Variants in SMC3 observed in about 807,000 individuals in gnomAD.
The protein encoded by SMC3 is structural maintenance of chromosomes 3, also known as structural maintenance of chromosomes protein 3.
SMC3 carries 20 observed loss-of-function variants against 171.8 expected under a neutral mutation model. That is an observed-to-expected ratio of 0.12 (90% CI 0.08 to 0.17). SMC3 has a LOEUF of 0.17. SMC3 is among the 10% of genes least tolerant of loss of function. The probability of loss-of-function intolerance (pLI) is 1.00; values close to 1 mark genes in which losing one functional copy is unlikely to be tolerated. For synonymous variants in SMC3, 464 were observed against 451.1 expected, an observed-to-expected ratio of 1.03 and a Z score of -0.36; for missense variants, 543 against 1,420.4, an observed-to-expected ratio of 0.38 and a Z score of 9.93.
chr10:110,580,884 T>G lies in SMC3; in HGVS notation c.430-20T>G, dbSNP rs748401897. ...ACGGAGGCTACAGCTATGTAATGAT[T>G]ATTTTTCTAAAAATTTTAGATCAAC... On this transcript the variant is annotated intron_variant, in intron 7 of 28. Transcript: ENST00000361804. 4 of 1,330,420 alleles carry G rather than the reference T, an allele frequency of 3.0e-6. No homozygotes were observed. The South Asian group carries it at 4.7e-5, about 16-fold the overall frequency. 82.4% of individuals were successfully genotyped at this position (1,330,420 alleles called of 1,614,324 possible).
At chr10:110,595,492 G>T (rs946946729) in intron 18 of SMC3, among the ~76,000 whole-genome samples, 2 of 152,164 alleles carry the variant, frequency 1.3e-5, no homozygotes, top group Admixed American at 1.3e-4. Flanking sequence ...AGATCTCTCC[G>T]TTGTAAAGGT....
chr10:110,567,814 A>G lies in SMC3; in HGVS notation c.-3A>G. 1.2e-6 allele frequency: 2 copies of G among 1,613,492 alleles called. No individual in the cohort carries two copies. The highest frequency in any genetic ancestry group is 1.7e-4 in the Middle Eastern group (1 of 6,056). ...TCTCCTTCCAGGCCAGGGGCCCGGA[A>G]TCATGTACATAAAGCAGGTAAGGCC... is the stretch of plus-strand genomic sequence containing the variant. On this transcript the variant is annotated 5_prime_UTR_variant, in exon 1 of 29. Coordinates refer to ENST00000361804, the MANE Select transcript of SMC3 (RefSeq NM_005445.4).
Position 110,600,488 on chromosome 10 carries a change from C to A in SMC3, c.2477C>A (p.Thr826Asn). The A allele has an allele frequency of 6.3e-7, 1 of 1,596,508 alleles. No homozygotes were observed. The highest frequency in any genetic ancestry group is 8.6e-7 in the Non-Finnish European group (1 of 1,164,852). The change falls in exon 22 of 29, where the codon ACT (threonine) becomes AAT (asparagine). Residue 826 changes from threonine (T) to asparagine (N), a missense_variant. Thr to Asn is a moderately conservative substitution (Grantham distance 65). This residue lies in a region of SMC3 where 218 missense variants were observed against 509.6 expected (regional missense o/e 0.43). Coordinates refer to ENST00000361804, the MANE Select transcript of SMC3 (RefSeq NM_005445.4). ...NERIKLEGII[T>N]RVETYLNENL... ...AGAATTAAATTAGAAGGTATTATTA[C>A]TCGAGTAGAGACTTATCTCAATGAG...
rs1182368223 is a variant in SMC3, at chr10:110,578,022, C to T, written c.350+108C>T. On this transcript the variant is annotated intron_variant, in intron 6 of 28. Coordinates refer to ENST00000361804, the MANE Select transcript of SMC3 (RefSeq NM_005445.4). ...CGAACTCTTGGCCTCAAATGATCCA[C>T]CTCGGCTTCCTAAAGTGCTAGGATT... 5.4e-6 allele frequency: 4 copies of T among 744,742 alleles called. No homozygotes were observed. In the African/African-American group the frequency reaches 7.0e-5, roughly 13 times the overall value. The allele number at this position is 744,742 out of a possible 1,614,324, so 46.1% of individuals were successfully genotyped here.
chr10:110,601,563 A>G (rs1042502464), intron 23 of SMC3, 74 bp from the exon 24 acceptor site: 23 of 1,491,624 alleles, frequency 1.5e-5, no homozygotes, highest in Non-Finnish European at 1.9e-5. Flanking sequence ...AGGTTTGATC[A>G]TAAAAATCTA....
rs559276732 is a variant in SMC3 at position 110,592,315 on chromosome 10, A to G, written c.1813-758A>G. Among the ~76,000 whole-genome samples the G allele has an allele frequency of 3.9e-5, 6 of 152,140 alleles. No homozygotes were observed. In the South Asian group the frequency reaches 1.2e-3, roughly 32 times the overall value. On this transcript the variant is annotated intron_variant, in intron 17 of 28. Transcript: ENST00000361804. ...TGGGAAGTGCAAGGAAGTGATTAGC[A>G]CAGTCATGGCAGTGGTCGTTTCTCG...
At chr10:110,590,242 A>G (rs902627757) in intron 15 of SMC3, among the ~76,000 whole-genome samples, 170 bp from the exon 16 acceptor site, 5 of 152,256 alleles carry the variant, frequency 3.3e-5, no homozygotes, top group Non-Finnish European at 5.9e-5. Context: ...CTATCATATA[A>G]GGTGTTACAT....
intron 21 of SMC3, 47 bp downstream of exon 21, chr10:110,599,859 TTG>T: frequency 6.3e-7 from 1 of 1,578,326 alleles, no homozygotes; most frequent in Non-Finnish European, 8.7e-7. Flanking sequence ...TAATTGGCTA[TTG>T]TGAAAAGGGC....
chr10:110,577,196 T>C (rs542786731), intron 4 of SMC3, among the ~76,000 whole-genome samples: 7 of 152,280 alleles, frequency 4.6e-5, no homozygotes, highest in Non-Finnish European at 1.5e-5. Context: ...TCTGCTGTTT[T>C]GGCAAGAGGG....
chr10:110,582,245 T>G (rs1425912246), intron 9 of SMC3, 147 bp downstream of exon 9: 1 of 754,824 alleles, frequency 1.3e-6, no homozygotes, highest in Non-Finnish European at 2.2e-6. Flanking sequence ...GCAAGTTTTT[T>G]TAGTTCAAGG....
At chr10:110,590,640 T>TTTA in intron 16 of SMC3, 68 bp downstream of exon 16, 1 of 1,371,214 alleles carries the variant, frequency 7.3e-7, no homozygotes, top group Non-Finnish European at 1.0e-6. Context: ...ACAACTTTTG[T>TTTA]AGTTTTTGTA....
Position 110,582,545 on chromosome 10 carries a change from G to GT in SMC3, c.724-15dup. ...TTACAAAATGAGTTAGATATGATAA[G>GT]TTGTTTTTTTTCTTAGCTTTCTGCT... On this transcript the variant is annotated splice_polypyrimidine_tract_variant and intron_variant, in intron 9 of 28. Transcript: ENST00000361804. 2 of 1,584,430 alleles carry GT rather than the reference G, an allele frequency of 1.3e-6. No individual in the cohort carries two copies. The highest frequency in any genetic ancestry group is 1.7e-6 in the Non-Finnish European group (2 of 1,156,634).
intron 16 of SMC3, 32 bp downstream of exon 16, chr10:110,590,604 T>C (rs1861191505): frequency 6.3e-7 from 1 of 1,599,634 alleles, no homozygotes; most frequent in Non-Finnish European, 8.6e-7. Flanking sequence ...TTAGCATTTT[T>C]AGAAGAGGGA....
intron 13 of SMC3, among the ~76,000 whole-genome samples, chr10:110,585,591 AT>A (rs919841893): frequency 0.01 from 1,460 of 144,896 alleles, 22 homozygotes; most frequent in African/African-American, 0.033. Flanking sequence ...GCCCGGTGTA[AT>A]TTTTTTTTTT....
Position 110,596,795 on chromosome 10 carries a change from G to GT in SMC3, c.2116+246dup, listed in dbSNP as rs1414979392. Among the ~76,000 whole-genome samples the GT allele has an allele frequency of 3.3e-5, 5 of 151,298 alleles. No homozygotes were observed. The East Asian group carries it at 9.7e-4, about 29-fold the overall frequency. On this transcript the variant is annotated intron_variant, in intron 19 of 28. Transcript: ENST00000361804. ...CCCATAGAACACAAAAATAAAGGTT[G>GT]TATCAGGCAAAGAAAGAGGAAACTG...
At chr10:110,571,795 TAAATAA>T (rs1006485651) in intron 2 of SMC3, among the ~76,000 whole-genome samples, 10 of 151,558 alleles carry the variant, frequency 6.6e-5, no homozygotes, top group African/African-American at 2.4e-4. Context: ...GGTTCATTTT[TAAATAA>T]AAATGGGTTC....
At chr10:110,597,871 T>A (rs1309594130) in intron 19 of SMC3, among the ~76,000 whole-genome samples, 1 of 152,248 alleles carries the variant, frequency 6.6e-6, no homozygotes, top group Non-Finnish European at 1.5e-5. Context: ...TCCTTTATGG[T>A]TTTCCAAGAA....
intron 7 of SMC3, among the ~76,000 whole-genome samples, chr10:110,579,845 A>C (rs1861006207): frequency 1.3e-5 from 2 of 152,188 alleles, no homozygotes. Context: ...TCGTAGAGAT[A>C]ATTTCAATTT....
At chr10:110,597,459 A>C (rs1861318205) in intron 19 of SMC3, among the ~76,000 whole-genome samples, 1 of 152,268 alleles carries the variant, frequency 6.6e-6, no homozygotes. Flanking sequence ...GAATAGATAT[A>C]AAGTTAATGA....
Sources: allele counts gnomAD v4.1 joint callset (sites outside exome capture counted in the v4.1 genomes callset), GRCh38; gene constraint gnomAD v4.1.1; regional missense constraint gnomAD v4.1.1; transcripts MANE v1.5; gene names NCBI Gene and HGNC (gene_info 2026-07-23, HGNC 2026-07-21).